ARFGEF2: variants seen among roughly 807,000 people sequenced by gnomAD.
ARFGEF2 encodes the protein ARF guanine nucleotide exchange factor 2, also known as brefeldin A-inhibited guanine nucleotide-exchange protein 2.
A neutral mutation model predicts 219.9 loss-of-function variants in ARFGEF2; 74 were observed. The observed-to-expected ratio is 0.34, with a 90% confidence interval of 0.28 to 0.41. The LOEUF (loss-of-function observed/expected upper bound fraction) is 0.41, where lower values mean the gene tolerates loss of function less well. Ranked by LOEUF, ARFGEF2 falls within the 10% of genes least tolerant of loss-of-function variation. The pLI, the probability that ARFGEF2 is intolerant of heterozygous loss-of-function variation, is 1.00. For missense variants in ARFGEF2, 1,743 were observed against 2,218.3 expected, an observed-to-expected ratio of 0.79 and a Z score of 4.30; for synonymous variants, 733 against 799.2, an observed-to-expected ratio of 0.92 and a Z score of 1.40.
intron 12 of ARFGEF2, 132 bp downstream of exon 12, chr20:48,973,416 TC>T: frequency 5.3e-6 from 5 of 949,850 alleles, no homozygotes; most frequent in East Asian, 2.6e-5. Flanking sequence ...TTCACACACT[TC>T]CTGCCATCAT....
chr20:48,985,683 T>C, intron 16 of ARFGEF2, 70 bp downstream of exon 16: 1 of 1,526,076 alleles, frequency 6.6e-7, no homozygotes, highest in Non-Finnish European at 9.0e-7. Flanking sequence ...TCTAATTTGG[T>C]TGGGGTTTAA....
At chr20:49,005,529 G>A (rs1276078498) in intron 26 of ARFGEF2, among the ~76,000 whole-genome samples, 1 of 151,966 alleles carries the variant, frequency 6.6e-6, no homozygotes. Context: ...ACGAGGTCAG[G>A]AGATCGAGAC....
intron 36 of ARFGEF2, among the ~76,000 whole-genome samples, chr20:49,027,706 C>T (rs2091611748): frequency 6.6e-6 from 1 of 151,516 alleles, no homozygotes; most frequent in Non-Finnish European, 1.5e-5. Context: ...AATAAAATAC[C>T]AATAAATAAA....
At chr20:49,025,190 A>G (rs958218258) in intron 35 of ARFGEF2, 123 bp from the exon 36 acceptor site, 48 of 978,756 alleles carry the variant, frequency 4.9e-5, no homozygotes, top group Middle Eastern at 3.0e-4. Context: ...GTGTTGGGGA[A>G]TAAGTGTGTC....
At chr20:48,982,471 T>G (rs1555811353) in intron 14 of ARFGEF2, among the ~76,000 whole-genome samples, 1 of 152,124 alleles carries the variant, frequency 6.6e-6, no homozygotes, top group Non-Finnish European at 1.5e-5. Context: ...GGGTCCCACT[T>G]GAGGAGGCAG....
intron 4 of ARFGEF2, among the ~76,000 whole-genome samples, chr20:48,951,949 G>C (rs2123351859): frequency 6.6e-6 from 1 of 152,176 alleles, no homozygotes; most frequent in African/African-American, 2.4e-5. Context: ...ACATTATGAG[G>C]GGAGGGCTCC....
chr20:48,959,456 C>T (rs1189208017), intron 6 of ARFGEF2, among the ~76,000 whole-genome samples: 1 of 47,278 alleles, frequency 2.1e-5, no homozygotes, highest in Non-Finnish European at 4.3e-5. Context: ...TCCTTCCCTC[C>T]CTCCCTCCCT....
intron 27 of ARFGEF2, among the ~76,000 whole-genome samples, chr20:49,011,624 G>T (rs990335239): frequency 6.6e-6 from 1 of 152,166 alleles, no homozygotes; most frequent in Admixed American, 6.6e-5. Flanking sequence ...AAATTTTTAG[G>T]CATCGAGTTA....
chr20:48,998,537 T>TAA (rs60107724), intron 25 of ARFGEF2, 32 bp downstream of exon 25: 371 of 1,428,808 alleles, frequency 2.6e-4, no homozygotes, highest in Non-Finnish European at 3.0e-4. Context: ...CCATTCCTGT[T>TAA]AAAAAAAAAA....
In ARFGEF2 at chr20:48,993,206, C is replaced by T. The variant is rs2091367057; in HGVS notation, c.2974-1245C>T. Among the ~76,000 whole-genome samples, 2 of 152,132 alleles carry T rather than the reference C, an allele frequency of 1.3e-5. 1 individual carries two copies. Among genetic ancestry groups the T allele is most frequent in the South Asian group, 4.1e-4 (2 of 4,822 alleles). ...TATTATCAATATGAGGTTCCTGCTGCCAGCCAAGTATATGGCAGAATCTAG... is the reference window on the plus strand; with the variant it reads ...TATTATCAATATGAGGTTCCTGCTGTCAGCCAAGTATATGGCAGAATCTAG... On this transcript the variant is annotated intron_variant, in intron 21 of 38. Coordinates refer to ENST00000371917, the MANE Select transcript of ARFGEF2 (RefSeq NM_006420.3).
At chr20:49,019,751 T>C (rs1427375831) in intron 34 of ARFGEF2, among the ~76,000 whole-genome samples, 2 of 152,200 alleles carry the variant, frequency 1.3e-5, no homozygotes, top group Non-Finnish European at 2.9e-5. Flanking sequence ...AATTGAATAG[T>C]TTTTCGTATG....
chr20:48,943,434 G>A (rs2123323327), intron 3 of ARFGEF2, among the ~76,000 whole-genome samples: 1 of 152,290 alleles, frequency 6.6e-6, no homozygotes, highest in African/African-American at 2.4e-5. Flanking sequence ...AGAAGTTAAG[G>A]TGACTTGTCC....
intron 3 of ARFGEF2, among the ~76,000 whole-genome samples, chr20:48,943,924 A>G (rs1407487704): frequency 6.6e-6 from 1 of 152,250 alleles, no homozygotes. Context: ...TTCTCGAGAA[A>G]GAGTACTGTG....
chr20:48,926,646 C>T (rs1473497201), intron 1 of ARFGEF2, among the ~76,000 whole-genome samples: 3 of 151,928 alleles, frequency 2.0e-5, no homozygotes, highest in Non-Finnish European at 2.9e-5. Flanking sequence ...TTAGTAGAGA[C>T]GGGGTTTTTC....
chr20:48,926,786 A>G (rs1284091388), intron 1 of ARFGEF2, among the ~76,000 whole-genome samples: 1 of 152,148 alleles, frequency 6.6e-6, no homozygotes, highest in Admixed American at 6.5e-5. Context: ...TTCTTTGGGT[A>G]CAGCAGGCAA....
At chr20:48,942,334 G>C (rs1786569125) in intron 3 of ARFGEF2, among the ~76,000 whole-genome samples, 1 of 151,972 alleles carries the variant, frequency 6.6e-6, no homozygotes. Flanking sequence ...CCATTTTGTA[G>C]AGATGCAGTC....
At chr20:48,983,623 C>G (rs565801601) in intron 14 of ARFGEF2, among the ~76,000 whole-genome samples, 103 of 152,208 alleles carry the variant, frequency 6.8e-4, no homozygotes, top group Non-Finnish European at 1.3e-3. Flanking sequence ...CTGAGTCACA[C>G]AATGTATTTT....
intron 36 of ARFGEF2, among the ~76,000 whole-genome samples, chr20:49,028,117 G>A (rs2091613798): frequency 6.6e-6 from 1 of 152,176 alleles, no homozygotes; most frequent in Non-Finnish European, 1.5e-5. Context: ...AATTAGCCCG[G>A]CATGGTGGTG....
At chr20:48,923,730 G>T (rs1056188029) in intron 1 of ARFGEF2, among the ~76,000 whole-genome samples, 24 of 152,208 alleles carry the variant, frequency 1.6e-4, no homozygotes, top group African/African-American at 5.6e-4. Flanking sequence ...TTTGGCAGAA[G>T]AGTTTTTATT....
Sources: allele counts gnomAD v4.1 joint callset (sites outside exome capture counted in the v4.1 genomes callset), GRCh38; gene constraint gnomAD v4.1.1; transcripts MANE v1.5; gene names NCBI Gene and HGNC (gene_info 2026-07-23, HGNC 2026-07-21).